The following MACROD2 variants were observed in gnomAD, a reference collection of about 807,000 sequenced individuals.
MACROD2 encodes ADP-ribose glycohydrolase MACROD2.
A neutral mutation model predicts 70.4 loss-of-function variants in MACROD2; 36 were observed. That is an observed-to-expected ratio of 0.51 (90% CI 0.39 to 0.68). The LOEUF (loss-of-function observed/expected upper bound fraction) is 0.68, where lower values mean the gene tolerates loss of function less well. Ranked by LOEUF, MACROD2 falls within the 30% of genes least tolerant of loss-of-function variation. The pLI is 0.00. For synonymous variants in MACROD2, 172 were observed against 178.8 expected (o/e 0.96, Z 0.30); for missense variants, 496 against 538.4 (o/e 0.92, Z 0.78).
rs1233723 is a variant in MACROD2, at chr20:15,549,079, T to A, written c.645+49232T>A. On this transcript the variant is annotated intron_variant, in intron 8 of 17. Coordinates refer to ENST00000684519, the MANE Select transcript of MACROD2 (RefSeq NM_001351661.2). ...CTACAACTGGGCCCTGAATCCATCA[T>A]CCTCAAAATTGTAAGATAGTAAGAT... 8.1e-4 allele frequency among the ~76,000 whole-genome samples: 124 copies of A among 152,190 alleles called. 3 individuals are homozygous for A. Among genetic ancestry groups the A allele is most frequent in the Non-Finnish European group, 2.8e-4 (19 of 67,994 alleles).
intron 2 of MACROD2, among the ~76,000 whole-genome samples, chr20:14,046,538 C>T (rs2053477757): frequency 1.3e-5 from 2 of 152,042 alleles, no homozygotes; most frequent in Admixed American, 1.3e-4. Context: ...GGAATTCTAC[C>T]TATGCATACA....
In MACROD2 at chr20:15,185,710, A is replaced by G. The variant is rs189464264; in HGVS notation, c.419-44230A>G. ...CTTTGTATTGTTGGACGTATTCAAT[A>G]AAAGCAAAAGAAATCTCAGTTTCTA... is the stretch of plus-strand genomic sequence containing the variant. On this transcript the variant is annotated intron_variant, in intron 5 of 17. Transcript: ENST00000684519. Among the ~76,000 whole-genome samples, 16 of 152,348 alleles carry G rather than the reference A, an allele frequency of 1.1e-4. 1 individual carries two copies. The East Asian group carries it at 3.1e-3, about 29-fold the overall frequency.
At chr20:15,005,812 T>C (rs8117676) in intron 5 of MACROD2, among the ~76,000 whole-genome samples, 3,709 of 152,230 alleles carry the variant, frequency 0.024, 147 homozygotes, top group African/African-American at 0.084. Context: ...ACTGGTTGGC[T>C]GCTTGTGGAA....
intron 6 of MACROD2, among the ~76,000 whole-genome samples, chr20:15,242,318 T>C (rs2077066918): frequency 6.6e-6 from 1 of 152,364 alleles, no homozygotes. Flanking sequence ...CATATTGTTA[T>C]GGCATATTAC....
chr20:14,468,804 C>T (rs866453682), intron 3 of MACROD2, among the ~76,000 whole-genome samples: 8 of 152,148 alleles, frequency 5.3e-5, no homozygotes, highest in Middle Eastern at 3.4e-3. Flanking sequence ...GCTGTCACGC[C>T]CAGCCTCTAT....
At chr20:14,750,873 G>T (rs2071860996) in intron 5 of MACROD2, among the ~76,000 whole-genome samples, 1 of 151,772 alleles carries the variant, frequency 6.6e-6, no homozygotes, top group Admixed American at 6.6e-5. Context: ...AACTAATCTG[G>T]TTGGTGATAA....
intron 8 of MACROD2, among the ~76,000 whole-genome samples, chr20:15,655,390 C>A (rs138274888): frequency 6.7e-6 from 1 of 150,056 alleles, no homozygotes; most frequent in African/African-American, 2.5e-5. Flanking sequence ...TGTGTCAGGA[C>A]ACTTGGCAAG....
At chr20:14,256,979 A>G (rs2082061544) in intron 3 of MACROD2, among the ~76,000 whole-genome samples, 1 of 152,202 alleles carries the variant, frequency 6.6e-6, no homozygotes, top group Non-Finnish European at 1.5e-5. Context: ...CACTGGCAGA[A>G]GTAGAAGCAA....
At chr20:14,693,485 G>A (rs1365158362) in intron 5 of MACROD2, among the ~76,000 whole-genome samples, 2 of 152,106 alleles carry the variant, frequency 1.3e-5, no homozygotes, top group African/African-American at 4.8e-5. Flanking sequence ...TTTTCTCCCT[G>A]TGTTAAGATG....
At chr20:15,273,248 C>T (rs1469789612) in intron 6 of MACROD2, among the ~76,000 whole-genome samples, 1 of 152,048 alleles carries the variant, frequency 6.6e-6, no homozygotes, top group Non-Finnish European at 1.5e-5. Context: ...AGAGACTGGC[C>T]AAGCCTCCGA....
intron 5 of MACROD2, among the ~76,000 whole-genome samples, chr20:14,791,664 C>T (rs986278297): frequency 1.3e-5 from 2 of 152,000 alleles, no homozygotes; most frequent in Non-Finnish European, 2.9e-5. Flanking sequence ...CCATGATCCC[C>T]TCAAGTTCCA....
chr20:15,124,677 T>G (rs184716668), intron 5 of MACROD2, among the ~76,000 whole-genome samples: 1 of 152,182 alleles, frequency 6.6e-6, no homozygotes, highest in East Asian at 1.9e-4. Context: ...AAATATAATT[T>G]TATAGCATAT....
intron 3 of MACROD2, among the ~76,000 whole-genome samples, chr20:14,408,132 A>G (rs944254377): frequency 1.3e-5 from 2 of 152,194 alleles, no homozygotes; most frequent in African/African-American, 4.8e-5. Flanking sequence ...GTTGGATAAG[A>G]GTTAATACAC....
At chr20:15,664,606 A>C (rs554536788) in intron 8 of MACROD2, among the ~76,000 whole-genome samples, 2 of 152,284 alleles carry the variant, frequency 1.3e-5, no homozygotes, top group East Asian at 3.9e-4. Flanking sequence ...ACGTGTGTCC[A>C]TCTGGGTTTG....
At position 15,046,188 on chromosome 20, in the gene MACROD2, C is replaced by CATAT. The variant is rs11467667; in HGVS notation, c.419-183742_419-183739dup. Among the ~76,000 whole-genome samples the CATAT allele has an allele frequency of 3.8e-4, 57 of 151,496 alleles. 1 individual carries two copies. The highest frequency in any genetic ancestry group is 1.2e-3 in the African/African-American group (50 of 41,282). On this transcript the variant is annotated intron_variant, in intron 5 of 17. Transcript: ENST00000684519. ...CACATAAGGTAAAAATTAAAAAATACATATATATATATAAGAAATTCAAAT... is the reference window on the plus strand; with the variant it reads ...CACATAAGGTAAAAATTAAAAAATACATATATATATATATATAAGAAATTCAAAT...
At chr20:14,910,045 C>A (rs1358506815) in intron 5 of MACROD2, among the ~76,000 whole-genome samples, 1 of 152,176 alleles carries the variant, frequency 6.6e-6, no homozygotes, top group African/African-American at 2.4e-5. Flanking sequence ...TCATCAAAGT[C>A]TCACTGATCT....
intron 12 of MACROD2, among the ~76,000 whole-genome samples, chr20:15,944,321 C>A (rs552519808): frequency 6.6e-6 from 1 of 152,210 alleles, no homozygotes; most frequent in East Asian, 1.9e-4. Context: ...AAAAATATCA[C>A]TCATAACCCT....
intron 6 of MACROD2, among the ~76,000 whole-genome samples, chr20:15,381,050 A>T (rs1260832946): frequency 6.6e-6 from 1 of 152,208 alleles, no homozygotes; most frequent in Admixed American, 6.5e-5. Flanking sequence ...TACAGGTACA[A>T]AAGGTTGACA....
At chr20:14,290,505 G>A (rs2082377102) in intron 3 of MACROD2, among the ~76,000 whole-genome samples, 1 of 118,594 alleles carries the variant, frequency 8.4e-6, no homozygotes. Flanking sequence ...CAAGGTAGCT[G>A]TATTTTTTTT....
Sources: allele counts gnomAD v4.1 joint callset (sites outside exome capture counted in the v4.1 genomes callset), GRCh38; gene constraint gnomAD v4.1.1; transcripts MANE v1.5; gene names NCBI Gene and HGNC (gene_info 2026-07-23, HGNC 2026-07-21).